CEP152: variants seen among roughly 807,000 people sequenced by gnomAD.
CEP152 encodes centrosomal protein 152.
CEP152 carries 132 observed loss-of-function variants against 188.9 expected under a neutral mutation model. The observed-to-expected ratio is 0.70, with a 90% confidence interval of 0.61 to 0.81. The LOEUF (loss-of-function observed/expected upper bound fraction) is 0.81, where lower values mean the gene tolerates loss of function less well. Ranked by LOEUF, CEP152 falls within the 30% of genes least tolerant of loss-of-function variation. CEP152 has a pLI of 0.00. For missense variants in CEP152, 1,914 were observed against 1,969.8 expected (o/e 0.97, Z 0.54); for synonymous variants, 649 against 666.6 (o/e 0.97, Z 0.41).
chr15:48,758,641 C>T (rs911381718), intron 19 of CEP152, among the ~76,000 whole-genome samples: 1 of 140,104 alleles, frequency 7.1e-6, no homozygotes, highest in Non-Finnish European at 1.5e-5. Flanking sequence ...ATCGCTTGAA[C>T]CCAGGAGGTA....
intron 1 of CEP152, among the ~76,000 whole-genome samples, chr15:48,806,203 C>G (rs1567036770): frequency 6.6e-6 from 1 of 152,126 alleles, no homozygotes; most frequent in Non-Finnish European, 1.5e-5. Flanking sequence ...AAATGTCCTC[C>G]TCTTAAGCTT....
intron 5 of CEP152, among the ~76,000 whole-genome samples, chr15:48,796,983 A>G (rs1348160294): frequency 1.3e-5 from 2 of 152,248 alleles, no homozygotes; most frequent in Admixed American, 6.5e-5. Flanking sequence ...ACAGCTTCTC[A>G]TTGAAGCACA....
In CEP152 at chr15:48,742,088, C is replaced by A. The variant is rs755835212; in HGVS notation, c.3848G>T (p.Arg1283Leu). ...TCGTTCCTTACTCTCCTGAATATAA[C>A]GAAGCATGTCACCTATAGGGAAGTG... Reference protein sequence around the residue: ...AVKKIKCDMLRYIQESKERAA... With the variant: ...AVKKIKCDMLLYIQESKERAA... Residue 1283 changes from arginine to leucine, a missense_variant, in exon 25 of 27, where the codon CGT (arginine) becomes CTT (leucine). Coordinates refer to ENST00000380950, the MANE Select transcript of CEP152 (RefSeq NM_001194998.2). 1.9e-6 allele frequency: 3 copies of A among 1,613,994 alleles called. No individual in the cohort carries two copies. The South Asian group carries it at 3.3e-5, about 18-fold the overall frequency.
rs1302959852 is a variant in CEP152 at position 48,793,900 on chromosome 15, CT to C, written c.692-440del. ...ATTAAAAACAAAACAAGTACATCAG[CT>C]TCTATAAAATCATTTTTAAAGAAAA... On this transcript the variant is annotated intron_variant, in intron 6 of 26. Transcript: ENST00000380950. Among the ~76,000 whole-genome samples the C allele has an allele frequency of 3.9e-5, 6 of 152,250 alleles. No individual in the cohort carries two copies. The South Asian group carries it at 8.3e-4, about 21-fold the overall frequency.
intron 21 of CEP152, among the ~76,000 whole-genome samples, chr15:48,750,310 T>A (rs753354999): frequency 2.0e-5 from 3 of 152,010 alleles, no homozygotes; most frequent in Non-Finnish European, 4.4e-5. Flanking sequence ...TACATAAAAT[T>A]TATAAAATTA....
At chr15:48,736,231 C>T (rs1411093817), downstream of CEP152, among the ~76,000 whole-genome samples, 1 of 152,138 alleles carries the variant, frequency 6.6e-6, no homozygotes, top group Non-Finnish European at 1.5e-5. Context: ...AGAAGTAATA[C>T]CAATGCTACA....
In CEP152 at chr15:48,762,493, G is replaced by A. The variant is rs1894756607; in HGVS notation, c.2460C>T (p.Ile820=). ...AIMIEEQKCT[I]QQNLEQEKDI... ...CCTTCTCTTGTTCTAAGTTTTGCTG[G>A]ATTGTGCACTTCTGCTCTTCTATCA... The change falls in exon 18 of 27, where the codon ATC becomes ATT. Residue 820 remains isoleucine, a synonymous_variant. Coordinates refer to ENST00000380950, the MANE Select transcript of CEP152 (RefSeq NM_001194998.2). The A allele has an allele frequency of 3.1e-6, 5 of 1,613,892 alleles. No individual in the cohort carries two copies. The highest frequency in any genetic ancestry group is 4.2e-6 in the Non-Finnish European group (5 of 1,179,978).
Position 48,802,052 on chromosome 15 carries a change from T to C in CEP152, c.87+3511A>G, listed in dbSNP as rs560450929. On this transcript the variant is annotated intron_variant, in intron 2 of 26. Coordinates refer to ENST00000380950, the MANE Select transcript of CEP152 (RefSeq NM_001194998.2). Reference sequence around the variant, plus strand: ...GCAGCGTCAGCCAAGATCCCGTGATTGCACTCCAGCATGGGCAACAGAGCG... The same window carrying C: ...GCAGCGTCAGCCAAGATCCCGTGATCGCACTCCAGCATGGGCAACAGAGCG... Among the ~76,000 whole-genome samples the C allele has an allele frequency of 1.3e-3, 197 of 150,932 alleles. 2 individuals are homozygous for C. Among genetic ancestry groups the C allele is most frequent in the African/African-American group, 4.6e-3 (190 of 40,986 alleles).
intron 13 of CEP152, among the ~76,000 whole-genome samples, chr15:48,770,340 T>C (rs1895442654): frequency 1.3e-5 from 2 of 151,454 alleles, no homozygotes; most frequent in South Asian, 2.1e-4. Context: ...GGCAATAGAG[T>C]AGCTGGACAA....
downstream of CEP152, among the ~76,000 whole-genome samples, chr15:48,734,587 TA>T (rs34623932): frequency 8.2e-3 from 1,052 of 128,788 alleles, 3 homozygotes; most frequent in Non-Finnish European, 0.011. Context: ...GCTTCTCTGA[TA>T]AAAAAAAAAA....
intron 19 of CEP152, 99 bp downstream of exon 19, chr15:48,760,036 T>C (rs893058016): frequency 1.3e-6 from 2 of 1,499,230 alleles, no homozygotes; most frequent in African/African-American, 2.7e-5. Context: ...TGTTTATCCT[T>C]CAACAATTCT....
intron 20 of CEP152, among the ~76,000 whole-genome samples, chr15:48,755,413 T>C (rs1894183068): frequency 6.6e-6 from 1 of 152,154 alleles, no homozygotes; most frequent in African/African-American, 2.4e-5. Context: ...TTATTATGCA[T>C]ATTTCATGAA....
Position 48,756,276 on chromosome 15 carries a change from T to C in CEP152, c.2972A>G (p.Asn991Ser). The C allele has an allele frequency of 6.3e-7, 1 of 1,582,732 alleles. No homozygotes were observed. Reference protein sequence around the residue: ...QFLDDHRNKINEVLAAAKEDF... With the variant: ...QFLDDHRNKISEVLAAAKEDF... Reference sequence around the variant, plus strand: ...TTCTTTAGCTGCCGCAAGCACCTCATTAATTTTATTTCGGTGATCATCTAA... The same window carrying C: ...TTCTTTAGCTGCCGCAAGCACCTCACTAATTTTATTTCGGTGATCATCTAA... The change falls in exon 20 of 27, where the codon AAT becomes AGT. Residue 991 changes from asparagine (N) to serine (S), a missense_variant. Physicochemically the swap from Asn to Ser is conservative, Grantham distance 46. Coordinates refer to ENST00000380950, the MANE Select transcript of CEP152 (RefSeq NM_001194998.2).
chr15:48,739,532 G>A (rs947892077), intron 26 of CEP152, among the ~76,000 whole-genome samples: 2 of 151,954 alleles, frequency 1.3e-5, no homozygotes, highest in African/African-American at 4.8e-5. Context: ...ACTAAGATCT[G>A]ATATATAATT....
intron 5 of CEP152, 42 bp from the exon 6 acceptor site, chr15:48,796,202 T>C: frequency 1.9e-6 from 3 of 1,610,220 alleles, no homozygotes; most frequent in South Asian, 1.1e-5. Flanking sequence ...TTTGGCCTTT[T>C]CTTCCAAAAT....
At chr15:48,747,444 A>C (rs1238079991) in intron 22 of CEP152, among the ~76,000 whole-genome samples, 1 of 152,180 alleles carries the variant, frequency 6.6e-6, no homozygotes, top group Non-Finnish European at 1.5e-5. Flanking sequence ...GGTATCTGAC[A>C]AGTGACCAAA....
At chr15:48,734,015 T>C (rs575611674), downstream of CEP152, among the ~76,000 whole-genome samples, 22 of 152,066 alleles carry the variant, frequency 1.4e-4, no homozygotes, top group South Asian at 3.7e-3. Context: ...AAGTAGAATA[T>C]AGATGAAAGG....
rs190065697 is a variant in CEP152 at position 48,789,864 on chromosome 15, T to A, written c.973-863A>T. The stretch of plus-strand genomic sequence containing the variant: ...ACACCCTGATTTTAGCCTAGTGAGA[T>A]CCATGTCAGACTTCTGACCTCCAGA... On this transcript the variant is annotated intron_variant, in intron 8 of 26. Transcript: ENST00000380950. Among the ~76,000 whole-genome samples the A allele has an allele frequency of 4.6e-4, 70 of 152,320 alleles. 2 individuals are homozygous for A. Among genetic ancestry groups the A allele is most frequent in the African/African-American group, 1.6e-3 (68 of 41,578 alleles).
At chr15:48,755,793 A>C in intron 20 of CEP152, 110 bp downstream of exon 20, 4 of 1,560,762 alleles carry the variant, frequency 2.6e-6, no homozygotes, top group South Asian at 2.4e-5. Flanking sequence ...TGACAAAAAC[A>C]TAAGACTTAC....
Sources: gnomAD v4.1 joint callset for allele counts (sites outside exome capture counted in the v4.1 genomes callset) on GRCh38, gnomAD v4.1.1 for gene constraint, MANE v1.5 for transcripts, NCBI Gene and HGNC (gene_info 2026-07-23, HGNC 2026-07-21) for gene names.